EGFLAM: variants seen among roughly 807,000 people sequenced by gnomAD.
EGFLAM encodes the protein pikachurin.
Under a neutral mutation model 113.1 loss-of-function variants are expected in EGFLAM, and 79 were observed. The ratio of observed to expected loss-of-function variants is 0.70; its 90% CI spans 0.58 to 0.84. The LOEUF is 0.84. Among genes scored for constraint, EGFLAM ranks in the 40% least tolerant of loss-of-function variants. The probability of loss-of-function intolerance (pLI) is 0.00; values close to 1 mark genes in which losing one functional copy is unlikely to be tolerated. For missense variants in EGFLAM, 1,265 were observed against 1,291.6 expected (o/e 0.98, Z 0.32); for synonymous variants, 504 against 487.6 (o/e 1.03, Z -0.44).
intron 1 of EGFLAM, 50 bp downstream of exon 1, chr5:38,258,901 G>T: frequency 6.4e-7 from 1 of 1,559,816 alleles, no homozygotes; most frequent in Non-Finnish European, 8.7e-7. Flanking sequence ...GCCCCTGCTG[G>T]GCTCCGGGGC....
chr5:38,417,347 C>CAAAAAAAA (rs752613827), intron 11 of EGFLAM, among the ~76,000 whole-genome samples: 10 of 78,472 alleles, frequency 1.3e-4, no homozygotes, highest in Admixed American at 1.9e-4. Context: ...GACTCTGTCT[C>CAAAAAAAA]AAAAAAAAAA....
At chr5:38,456,145 A>AT (rs1242965939) in intron 19 of EGFLAM, among the ~76,000 whole-genome samples, 1 of 151,960 alleles carries the variant, frequency 6.6e-6, no homozygotes, top group Non-Finnish European at 1.5e-5. Context: ...GAGTGGTGGG[A>AT]TTTTTCATTT....
At chr5:38,346,053 C>A (rs1739464625) in intron 3 of EGFLAM, among the ~76,000 whole-genome samples, 1 of 152,044 alleles carries the variant, frequency 6.6e-6, no homozygotes, top group South Asian at 2.1e-4. Flanking sequence ...AGTGTCAGTG[C>A]AGGAAAAGAG....
chr5:38,353,848 A>G (rs1204856893), intron 5 of EGFLAM, among the ~76,000 whole-genome samples: 5 of 152,214 alleles, frequency 3.3e-5, no homozygotes, highest in Non-Finnish European at 5.9e-5. Context: ...GTCAAGACCT[A>G]CAGTGACCAG....
Position 38,419,498 on chromosome 5 carries a change from C to T in EGFLAM, c.1684+1243C>T, listed in dbSNP as rs148273520. Among the ~76,000 whole-genome samples, 184 of 152,294 alleles carry T rather than the reference C, an allele frequency of 1.2e-3. 1 individual carries two copies. The highest frequency in any genetic ancestry group is 3.9e-3 in the African/African-American group (162 of 41,562). On this transcript the variant is annotated intron_variant, in intron 12 of 21. Transcript: ENST00000322350. ...CATAGTCTCACTGCCTAGATTCTAC[C>T]GTTAACATTTTGCTGCATTTTCTTG...
At chr5:38,323,643 C>T (rs921030049) in intron 1 of EGFLAM, among the ~76,000 whole-genome samples, 8 of 152,114 alleles carry the variant, frequency 5.3e-5, no homozygotes, top group Non-Finnish European at 1.0e-4. Flanking sequence ...AAGTGGCCTA[C>T]TACTTAGATT....
Position 38,341,831 on chromosome 5 carries a change from G to A in EGFLAM, c.291+3050G>A, listed in dbSNP as rs950962907. On this transcript the variant is annotated intron_variant, in intron 3 of 21. Transcript: ENST00000322350. ...GCTTAGTAAGTGGTTAGTATGATTC[G>A]TATTGCAAAGATGTGTGTTTGCTGC... Among the ~76,000 whole-genome samples the A allele has an allele frequency of 5.9e-5, 9 of 152,048 alleles. 1 individual carries two copies. Among genetic ancestry groups the A allele is most frequent in the African/African-American group, 1.4e-4 (6 of 41,398 alleles).
rs537199290 is a variant in EGFLAM at position 38,392,302 on chromosome 5, G to T, written c.713-13824G>T. On this transcript the variant is annotated intron_variant, in intron 6 of 21. Coordinates refer to ENST00000322350, the MANE Select transcript of EGFLAM (RefSeq NM_152403.4). Reference sequence around the variant, plus strand: ...AAGACATGATCTTATTCTTTTTTAGGACTGCATAGTATTCCATGATGTATA... The same window carrying T: ...AAGACATGATCTTATTCTTTTTTAGTACTGCATAGTATTCCATGATGTATA... Among the ~76,000 whole-genome samples, 70 of 152,200 alleles carry T rather than the reference G, an allele frequency of 4.6e-4. 1 individual carries two copies. The highest frequency in any genetic ancestry group is 1.7e-3 in the African/African-American group (69 of 41,516).
chr5:38,390,730 C>T (rs1176184946), intron 6 of EGFLAM, among the ~76,000 whole-genome samples: 2 of 152,136 alleles, frequency 1.3e-5, no homozygotes, highest in African/African-American at 4.8e-5. Context: ...TTGTACTTCT[C>T]CATTTCTAAT....
At chr5:38,415,320 G>A (rs867114134) in intron 11 of EGFLAM, among the ~76,000 whole-genome samples, 17 of 149,170 alleles carry the variant, frequency 1.1e-4, no homozygotes, top group South Asian at 8.5e-4. Flanking sequence ...CTTAGATTGC[G>A]CTACTGCACT....
At chr5:38,407,763 G>A (rs539650429) in intron 8 of EGFLAM, 42 bp from the exon 9 acceptor site, 1 of 1,485,382 alleles carries the variant, frequency 6.7e-7, no homozygotes, top group Admixed American at 1.8e-5. Flanking sequence ...TTGAAGAAGT[G>A]AGGAAATAGC....
In EGFLAM at chr5:38,305,603, G is replaced by A. The variant is rs572565929; in HGVS notation, c.98-31917G>A. ...ATTTACTAGATAGAAAAGGCAACCAGTCCAACTGGAACAGGTCAGTAGGCT... is the reference window on the plus strand; with the variant it reads ...ATTTACTAGATAGAAAAGGCAACCAATCCAACTGGAACAGGTCAGTAGGCT... On this transcript the variant is annotated intron_variant, in intron 1 of 21. Coordinates refer to ENST00000322350, the MANE Select transcript of EGFLAM (RefSeq NM_152403.4). 3 of 304,000 alleles carry A rather than the reference G, an allele frequency of 9.9e-6. No individual in the cohort carries two copies. The East Asian group carries it at 2.8e-4, about 28-fold the overall frequency. The allele number at this position is 304,000 out of a possible 1,614,324, so 18.8% of individuals were successfully genotyped here.
At chr5:38,303,075 A>T (rs901206050) in intron 1 of EGFLAM, among the ~76,000 whole-genome samples, 3 of 152,178 alleles carry the variant, frequency 2.0e-5, no homozygotes, top group Non-Finnish European at 1.5e-5. Context: ...AGAGAAGAAA[A>T]GCATGTAGTA....
intron 6 of EGFLAM, among the ~76,000 whole-genome samples, chr5:38,379,704 T>G (rs1489126330): frequency 6.6e-6 from 1 of 152,006 alleles, no homozygotes; most frequent in Non-Finnish European, 1.5e-5. Context: ...TTCAGTTGGC[T>G]GCTTAGATTT....
rs571703144 is a variant in EGFLAM, at chr5:38,351,877, C to A, written c.410-319C>A. 4.6e-5 allele frequency among the ~76,000 whole-genome samples: 7 copies of A among 152,204 alleles called. No individual in the cohort carries two copies. The East Asian group carries it at 1.2e-3, about 25-fold the overall frequency. ...GACAGAAGGTTTTCCAGGGAACTTA[C>A]CACTGTGTGTCCCAGGATCAGTGGC... On this transcript the variant is annotated intron_variant, in intron 4 of 21. Transcript: ENST00000322350.
Position 38,463,956 on chromosome 5 carries a change from G to GA in EGFLAM, c.3005dup (p.Asn1002LysfsTer118). ...CCCTCGTGGAAGATGCCGTGGATGGGAAAAACATCAACACTTGTGGAGCCA... is the reference window on the plus strand; with the variant it reads ...CCCTCGTGGAAGATGCCGTGGATGGGAAAAAACATCAACACTTGTGGAGCCA... On this transcript the variant is annotated frameshift_variant, in exon 22 of 22. Coordinates refer to ENST00000322350, the MANE Select transcript of EGFLAM (RefSeq NM_152403.4). LOFTEE classifies it high-confidence loss of function. 2 of 1,614,228 alleles carry GA rather than the reference G, an allele frequency of 1.2e-6. No individual in the cohort carries two copies. Among genetic ancestry groups the GA allele is most frequent in the Non-Finnish European group, 1.7e-6 (2 of 1,180,046 alleles).
At chr5:38,324,947 G>A (rs1738838195) in intron 1 of EGFLAM, among the ~76,000 whole-genome samples, 1 of 152,160 alleles carries the variant, frequency 6.6e-6, no homozygotes, top group Admixed American at 6.5e-5. Context: ...TTACAGGAGG[G>A]GCTCGGGTCA....
At chr5:38,312,328 A>G (rs1263956992) in intron 1 of EGFLAM, among the ~76,000 whole-genome samples, 8 of 147,722 alleles carry the variant, frequency 5.4e-5, no homozygotes, top group African/African-American at 1.0e-4. Flanking sequence ...TGCAAGCTCC[A>G]CCTCCTAGGT....
chr5:38,463,639 C>T (rs1743363043), intron 21 of EGFLAM, among the ~76,000 whole-genome samples, 193 bp from the exon 22 acceptor site: 1 of 152,150 alleles, frequency 6.6e-6, no homozygotes, highest in East Asian at 1.9e-4. Flanking sequence ...TCAATCTGTT[C>T]CTTCAAGGAT....
Sources: allele counts gnomAD v4.1 joint callset (sites outside exome capture counted in the v4.1 genomes callset), GRCh38; gene constraint gnomAD v4.1.1; transcripts MANE v1.5; gene names NCBI Gene and HGNC (gene_info 2026-07-23, HGNC 2026-07-21).